The following PALLD variants were observed in gnomAD, a reference collection of about 807,000 sequenced individuals.
The protein encoded by PALLD is palladin.
PALLD carries 61 observed loss-of-function variants against 123.5 expected under a neutral mutation model. The ratio of observed to expected loss-of-function variants is 0.49; its 90% CI spans 0.40 to 0.61. The LOEUF (loss-of-function observed/expected upper bound fraction) is 0.61. Among genes scored for constraint, PALLD ranks in the 20% least tolerant of loss-of-function variants. The probability of loss-of-function intolerance (pLI) is 0.00; values close to 1 mark genes in which losing one functional copy is unlikely to be tolerated. For synonymous variants in PALLD, 465 were observed against 496.4 expected (o/e 0.94, Z 0.84); for missense variants, 1,273 against 1,377.0 (o/e 0.92, Z 1.20).
At position 168,924,364 on chromosome 4, in the gene PALLD, T is replaced by C; in HGVS notation, c.3168T>C (p.Pro1056=). 1.9e-6 allele frequency: 3 copies of C among 1,613,894 alleles called. No individual in the cohort carries two copies. The highest frequency in any genetic ancestry group is 2.5e-6 in the Non-Finnish European group (3 of 1,179,880). Residue 1056 remains proline (P), a synonymous_variant, in exon 19 of 22, where the codon CCT becomes CCC. Coordinates refer to ENST00000505667, the MANE Select transcript of PALLD (RefSeq NM_001166108.2). ...GTCGTGTATTGGGAGTGCCACCACC[T>C]CAGATATTTTGGAAGAAAGAAAATG... is the stretch of plus-strand genomic sequence containing the variant. ...LECRVLGVPP[P]QIFWKKENES...
rs551904602 is a variant in PALLD at position 168,548,428 on chromosome 4, G to T, written c.908+36016G>T. On this transcript the variant is annotated intron_variant, in intron 2 of 21. Coordinates refer to ENST00000505667, the MANE Select transcript of PALLD (RefSeq NM_001166108.2). ...TATCTTTACACTTCTTTGTTTTCTG[G>T]TGTACACAAAGAAAAGAAGCAATGA... Among the ~76,000 whole-genome samples the T allele has an allele frequency of 6.5e-4, 98 of 151,600 alleles. No individual in the cohort carries two copies. In the Middle Eastern group the frequency reaches 0.01, roughly 16 times the overall value.
intron 2 of PALLD, among the ~76,000 whole-genome samples, chr4:168,655,612 C>A (rs183344460): frequency 4.3e-4 from 66 of 152,324 alleles, no homozygotes; most frequent in Admixed American, 2.9e-3. Context: ...AATAAAGAAG[C>A]GAAGCCTTTT....
chr4:168,547,957 A>T (rs1464642368), intron 2 of PALLD, among the ~76,000 whole-genome samples: 4 of 151,630 alleles, frequency 2.6e-5, no homozygotes. Context: ...AAAAAAAAAA[A>T]AAAAAAAAAC....
intron 10 of PALLD, among the ~76,000 whole-genome samples, chr4:168,808,028 G>A (rs556133673): frequency 2.0e-5 from 3 of 151,996 alleles, no homozygotes; most frequent in African/African-American, 4.8e-5. Flanking sequence ...TTTAAGAGAA[G>A]ATTTAGAGTG....
At position 168,801,205 on chromosome 4, in the gene PALLD, C is replaced by G. The variant is rs79062390; in HGVS notation, c.1964+89282C>G. Among the ~76,000 whole-genome samples, 1,350 of 152,296 alleles carry G rather than the reference C, an allele frequency of 8.9e-3. 78 individuals are homozygous for G. The East Asian group carries it at 0.17, about 19-fold the overall frequency. Reference sequence around the variant, plus strand: ...GAGGCACACACAGGAATCTTCTGTTCTATTTTTTTACCTGAGCAGTGGTTA... The same window carrying G: ...GAGGCACACACAGGAATCTTCTGTTGTATTTTTTTACCTGAGCAGTGGTTA... On this transcript the variant is annotated intron_variant, in intron 10 of 21. Transcript: ENST00000505667.
intron 10 of PALLD, among the ~76,000 whole-genome samples, chr4:168,843,399 A>G (rs1746333561): frequency 6.6e-6 from 1 of 152,138 alleles, no homozygotes; most frequent in African/African-American, 2.4e-5. Flanking sequence ...TTTTAAATTT[A>G]TGTTTGACAT....
intron 8 of PALLD, among the ~76,000 whole-genome samples, chr4:168,698,176 A>G (rs150183565): frequency 6.6e-6 from 1 of 152,324 alleles, no homozygotes; most frequent in East Asian, 1.9e-4. Flanking sequence ...TCGAAACAGT[A>G]GAAGGATGGC....
chr4:168,817,711 C>T (rs1742176136), intron 10 of PALLD, among the ~76,000 whole-genome samples: 1 of 152,118 alleles, frequency 6.6e-6, no homozygotes, highest in African/African-American at 2.4e-5. Context: ...TAATTTGAAA[C>T]AACCTTTTTT....
chr4:168,855,651 G>T (rs1266623111), intron 10 of PALLD, among the ~76,000 whole-genome samples: 1 of 152,134 alleles, frequency 6.6e-6, no homozygotes, highest in East Asian at 1.9e-4. Context: ...CAGTCAATCT[G>T]CCAGTTGTCT....
intron 10 of PALLD, among the ~76,000 whole-genome samples, chr4:168,737,824 T>A (rs1370379617): frequency 3.3e-5 from 5 of 152,186 alleles, no homozygotes; most frequent in Non-Finnish European, 7.3e-5. Flanking sequence ...CGTAGCTTAG[T>A]AGTTTAGTAG....
intron 2 of PALLD, among the ~76,000 whole-genome samples, chr4:168,588,588 A>C (rs1445554784): frequency 6.6e-6 from 1 of 151,880 alleles, no homozygotes; most frequent in African/African-American, 2.4e-5. Flanking sequence ...TTTTATTTTT[A>C]GTAGAGACGA....
At chr4:168,538,319 G>C (rs10021353) in intron 2 of PALLD, among the ~76,000 whole-genome samples, 63,383 of 151,880 alleles carry the variant, frequency 0.42, 14,322 homozygotes, top group African/African-American at 0.6. Flanking sequence ...TGTTTTAAAG[G>C]CTTTGCCCTT....
intron 10 of PALLD, chr4:168,831,975 C>T: frequency 4.1e-6 from 4 of 984,836 alleles, no homozygotes; most frequent in Non-Finnish European, 4.8e-6. Context: ...GCCACGCCTC[C>T]TCTCTCCCGC....
chr4:168,851,655 C>G (rs1279209822), intron 10 of PALLD, among the ~76,000 whole-genome samples: 2 of 152,084 alleles, frequency 1.3e-5, no homozygotes, highest in African/African-American at 2.4e-5. Context: ...GGCATAAGCC[C>G]CACGCCTGGC....
chr4:168,552,538 A>T (rs1411596698), intron 2 of PALLD, among the ~76,000 whole-genome samples: 4 of 152,206 alleles, frequency 2.6e-5, no homozygotes. Flanking sequence ...GGCAAATATT[A>T]TCCTACCCAG....
chr4:168,554,843 A>G (rs1236199574), intron 2 of PALLD, among the ~76,000 whole-genome samples: 1 of 152,154 alleles, frequency 6.6e-6, no homozygotes, highest in African/African-American at 2.4e-5. Flanking sequence ...TTTTAAAGAA[A>G]AACCTATCAT....
chr4:168,719,200 C>T (rs1785695909), intron 10 of PALLD, among the ~76,000 whole-genome samples: 1 of 151,124 alleles, frequency 6.6e-6, no homozygotes, highest in African/African-American at 2.4e-5. Context: ...GCCACTGCTC[C>T]CAGCCACCAG....
intron 13 of PALLD, 104 bp from the exon 14 acceptor site, chr4:168,898,389 G>A: frequency 1.3e-6 from 1 of 769,440 alleles, no homozygotes; most frequent in South Asian, 1.4e-5. Context: ...AAGCTGTATG[G>A]TAAAAATATC....
intron 10 of PALLD, chr4:168,829,354 T>C (rs1743872559): frequency 6.6e-6 from 1 of 152,146 alleles, no homozygotes; most frequent in Non-Finnish European, 1.5e-5. Context: ...GTAAAGGAAG[T>C]GCGTATGTCT....
Sources: gnomAD v4.1 joint callset for allele counts (sites outside exome capture counted in the v4.1 genomes callset) on GRCh38, gnomAD v4.1.1 for gene constraint, MANE v1.5 for transcripts, NCBI Gene and HGNC (gene_info 2026-07-23, HGNC 2026-07-21) for gene names.